KAT6B: variants seen among roughly 807,000 people sequenced by gnomAD.
KAT6B encodes the protein lysine acetyltransferase 6B.
Under a neutral mutation model 187.5 loss-of-function variants are expected in KAT6B, and 10 were observed. The observed-to-expected ratio is 0.05, with a 90% CI of 0.03 to 0.09. The LOEUF is 0.09. Ranked by LOEUF, KAT6B falls within the 10% of genes least tolerant of loss-of-function variation. The probability of loss-of-function intolerance (pLI) is 1.00; values close to 1 mark genes in which losing one functional copy is unlikely to be tolerated. For synonymous variants in KAT6B, 861 were observed against 926.8 expected (o/e 0.93, Z 1.29); for missense variants, 1,952 against 2,558.9 (o/e 0.76, Z 5.12).
chr10:74,952,321 C>T (rs1294975513), intron 3 of KAT6B, among the ~76,000 whole-genome samples: 2 of 151,840 alleles, frequency 1.3e-5, no homozygotes, highest in Non-Finnish European at 2.9e-5. Context: ...CGCCCCCGCT[C>T]TCCATCCTGG....
At chr10:74,974,923 A>G (rs1402276528) in intron 7 of KAT6B, among the ~76,000 whole-genome samples, 1 of 152,188 alleles carries the variant, frequency 6.6e-6, no homozygotes, top group African/African-American at 2.4e-5. Context: ...TCCAAACTCT[A>G]TTTATATAAG....
chr10:74,859,640 AGTT>A (rs1843041738), intron 3 of KAT6B, among the ~76,000 whole-genome samples: 1 of 152,228 alleles, frequency 6.6e-6, no homozygotes, highest in Non-Finnish European at 1.5e-5. Context: ...TGACTAATCC[AGTT>A]GTTGAAGAAT....
At chr10:74,929,103 C>T (rs890363582) in intron 3 of KAT6B, among the ~76,000 whole-genome samples, 6 of 152,298 alleles carry the variant, frequency 3.9e-5, no homozygotes, top group South Asian at 2.1e-4. Flanking sequence ...TGGTTTGGGC[C>T]TCATTGCTTA....
rs1029974739 is a variant in KAT6B, at chr10:74,940,387, T to A, written c.622-19583T>A. Among the ~76,000 whole-genome samples the A allele has an allele frequency of 2.0e-5, 3 of 150,946 alleles. No homozygotes were observed. In the East Asian group the frequency reaches 5.9e-4, roughly 30 times the overall value. ...ACCTCCTGGGTTCAAGTGATTCGCC[T>A]GCCTCAGCCTCCTGAGTAGCTGGGA... On this transcript the variant is annotated intron_variant, in intron 3 of 17. Coordinates refer to ENST00000287239, the MANE Select transcript of KAT6B (RefSeq NM_012330.4).
At chr10:74,862,199 T>G (rs1412162414) in intron 3 of KAT6B, among the ~76,000 whole-genome samples, 1 of 152,242 alleles carries the variant, frequency 6.6e-6, no homozygotes, top group Non-Finnish European at 1.5e-5. Flanking sequence ...AATATTTATG[T>G]AATTCTTTAA....
chr10:74,963,233 AAC>A (rs1363663773), intron 4 of KAT6B, among the ~76,000 whole-genome samples: 1 of 152,244 alleles, frequency 6.6e-6, no homozygotes, highest in African/African-American at 2.4e-5. Context: ...CTTTGAAATT[AAC>A]ACTGTTATAT....
chr10:74,977,558 C>T (rs1842241740), intron 9 of KAT6B, 121 bp downstream of exon 9: 10 of 1,217,786 alleles, frequency 8.2e-6, no homozygotes, highest in South Asian at 7.3e-5. Flanking sequence ...ATTCTTTAGC[C>T]GTTATCATGC....
chr10:74,989,196 A>C, intron 13 of KAT6B, 84 bp downstream of exon 13: 1 of 944,278 alleles, frequency 1.1e-6, no homozygotes, highest in Non-Finnish European at 1.8e-6. Context: ...ACTTTATTTA[A>C]CCTGCATTGT....
intron 3 of KAT6B, among the ~76,000 whole-genome samples, chr10:74,926,928 T>A (rs1564568472): frequency 1.3e-5 from 2 of 152,226 alleles, no homozygotes; most frequent in Non-Finnish European, 2.9e-5. Context: ...TTTTCTTCCT[T>A]TTCTCACAGG....
chr10:74,955,671 C>A (rs1589699061), intron 3 of KAT6B, among the ~76,000 whole-genome samples: 1 of 152,004 alleles, frequency 6.6e-6, no homozygotes, highest in African/African-American at 2.4e-5. Context: ...ACACTTTACT[C>A]CTATATTTCA....
Position 74,975,496 on chromosome 10 carries a change from G to T in KAT6B, c.1159G>T (p.Gly387Cys), listed in dbSNP as rs1209018258. 2.6e-5 allele frequency: 42 copies of T among 1,613,962 alleles called. No homozygotes were observed. Among genetic ancestry groups the T allele is most frequent in the Non-Finnish European group, 3.6e-5 (42 of 1,180,010 alleles). ...KTKVCTTPSS[G>C]HAASGKDSSS... is the part of the protein sequence containing the mutation. Reference sequence around the variant, plus strand: ...TAAAGTCTGTACCACACCTTCATCTGGTCATGCTGCATCTGGGAAGGACTC... The same window carrying T: ...TAAAGTCTGTACCACACCTTCATCTTGTCATGCTGCATCTGGGAAGGACTC... The change falls in exon 8 of 18, where the codon GGT (glycine) becomes TGT (cysteine). Residue 387 changes from glycine to cysteine, a missense_variant. Transcript: ENST00000287239.
chr10:74,989,248 A>G lies in KAT6B; in HGVS notation c.2629+136A>G. ...TAATGGGCTTTCTATTTATATTTACATAGGTTAGAACATCTTCCTCAAGTG... is the reference window on the plus strand; with the variant it reads ...TAATGGGCTTTCTATTTATATTTACGTAGGTTAGAACATCTTCCTCAAGTG... On this transcript the variant is annotated intron_variant, in intron 13 of 17. Transcript: ENST00000287239. The G allele has an allele frequency of 5.7e-6, 4 of 707,870 alleles. 1 individual carries two copies. Among genetic ancestry groups the G allele is most frequent in the South Asian group, 4.5e-5 (3 of 66,008 alleles). 43.8% of individuals were successfully genotyped at this position (707,870 alleles called of 1,614,324 possible).
intron 3 of KAT6B, among the ~76,000 whole-genome samples, chr10:74,860,980 A>C (rs1332327171): frequency 2.6e-5 from 4 of 152,184 alleles, no homozygotes; most frequent in African/African-American, 7.2e-5. Flanking sequence ...TCTACTAAAA[A>C]TGCAAAATTA....
chr10:75,003,260 T>G (rs1305410559), intron 13 of KAT6B: 1 of 152,234 alleles, frequency 6.6e-6, no homozygotes, highest in Non-Finnish European at 1.5e-5. Context: ...TTTTGCTTAC[T>G]TTTTCTCTTA....
At chr10:74,984,763 C>G (rs1056902807) in intron 11 of KAT6B, 15 of 365,448 alleles carry the variant, frequency 4.1e-5, no homozygotes, top group Admixed American at 4.2e-5. Flanking sequence ...AGAGGACATG[C>G]CTGATCATTT....
Position 74,885,737 on chromosome 10 carries a change from T to C in KAT6B, c.621+42259T>C, listed in dbSNP as rs1057467082. Among the ~76,000 whole-genome samples, 32 of 150,080 alleles carry C rather than the reference T, an allele frequency of 2.1e-4. No homozygotes were observed. In the Middle Eastern group the frequency reaches 0.01, roughly 48 times the overall value. On this transcript the variant is annotated intron_variant, in intron 3 of 17. Coordinates refer to ENST00000287239, the MANE Select transcript of KAT6B (RefSeq NM_012330.4). ...CTTGAAAGGTCAAGGAGAAGTTCTT[T>C]TTTTTTTTTTTTTGAGATGGAGTCT...
intron 17 of KAT6B, 98 bp downstream of exon 17, chr10:75,025,347 C>A: frequency 8.1e-7 from 1 of 1,227,110 alleles, no homozygotes; most frequent in South Asian, 1.3e-5. Flanking sequence ...GAGGCACCTG[C>A]GAAGTGGTGC....
intron 3 of KAT6B, among the ~76,000 whole-genome samples, chr10:74,934,975 A>T (rs567476511): frequency 5.9e-5 from 9 of 152,174 alleles, no homozygotes; most frequent in Non-Finnish European, 1.3e-4. Context: ...TAATTTAGAG[A>T]TCCACACAGG....
chr10:74,890,382 T>C (rs919313661), intron 3 of KAT6B, among the ~76,000 whole-genome samples: 1 of 152,110 alleles, frequency 6.6e-6, no homozygotes, highest in Non-Finnish European at 1.5e-5. Flanking sequence ...CTCACACTTG[T>C]AATCCCATTA....
Sources: gnomAD v4.1 joint callset for allele counts (sites outside exome capture counted in the v4.1 genomes callset) on GRCh38, gnomAD v4.1.1 for gene constraint, MANE v1.5 for transcripts, NCBI Gene and HGNC (gene_info 2026-07-23, HGNC 2026-07-21) for gene names.